The following SGCZ variants were observed in gnomAD, a reference collection of about 807,000 sequenced individuals.
The protein encoded by SGCZ is zeta-sarcoglycan.
Under a neutral mutation model 41.3 loss-of-function variants are expected in SGCZ, and 40 were observed. The ratio of observed to expected loss-of-function variants is 0.97; its 90% CI spans 0.75 to 1.26. The LOEUF is 1.26. SGCZ is among the 50% of genes most tolerant of loss of function. The pLI, the probability that SGCZ is intolerant of heterozygous loss-of-function variation, is 0.00. For missense variants in SGCZ, 552 were observed against 369.8 expected (o/e 1.49, Z -4.04); for synonymous variants, 206 against 137.5 (o/e 1.50, Z -3.49).
chr8:14,607,801 A>G (rs1297047828), intron 1 of SGCZ, among the ~76,000 whole-genome samples: 1 of 151,992 alleles, frequency 6.6e-6, no homozygotes, highest in African/African-American at 2.4e-5. Context: ...AGATGGAAGC[A>G]CATATATGAT....
At chr8:14,501,274 G>A (rs1174112374) in intron 2 of SGCZ, among the ~76,000 whole-genome samples, 1 of 151,694 alleles carries the variant, frequency 6.6e-6, no homozygotes, top group Non-Finnish European at 1.5e-5. Context: ...ATAATCAACG[G>A]TAATCATCTT....
chr8:14,266,361 A>T (rs945555339), intron 3 of SGCZ, among the ~76,000 whole-genome samples: 1 of 152,122 alleles, frequency 6.6e-6, no homozygotes, highest in Non-Finnish European at 1.5e-5. Flanking sequence ...TATGATGATA[A>T]TATGTTTCAC....
chr8:14,867,622 T>C (rs963070062), intron 1 of SGCZ, among the ~76,000 whole-genome samples: 1 of 152,050 alleles, frequency 6.6e-6, no homozygotes, highest in Non-Finnish European at 1.5e-5. Context: ...TGTTATTTTT[T>C]GACTGTTTAA....
chr8:14,863,950 A>C (rs1803841133), intron 1 of SGCZ, among the ~76,000 whole-genome samples: 1 of 152,174 alleles, frequency 6.6e-6, no homozygotes. Context: ...TCGGTACAAA[A>C]TAATTCCAAA....
At chr8:14,115,661 A>G (rs1802500638) in intron 5 of SGCZ, among the ~76,000 whole-genome samples, 1 of 151,956 alleles carries the variant, frequency 6.6e-6, no homozygotes, top group African/African-American at 2.4e-5. Context: ...TTATGAACGT[A>G]AATCTTTTTT....
chr8:14,176,977 G>A (rs1804560936), intron 4 of SGCZ, among the ~76,000 whole-genome samples: 1 of 152,130 alleles, frequency 6.6e-6, no homozygotes, highest in African/African-American at 2.4e-5. Flanking sequence ...TTTGGTCTCT[G>A]AGCTCCTTCC....
intron 4 of SGCZ, among the ~76,000 whole-genome samples, chr8:14,174,591 A>T (rs1395801287): frequency 6.6e-6 from 1 of 152,168 alleles, no homozygotes; most frequent in Admixed American, 6.5e-5. Context: ...ATCTTAGTGA[A>T]TATGCAGAAC....
chr8:15,157,981 G>A (rs1279314082), intron 1 of SGCZ, among the ~76,000 whole-genome samples: 1 of 152,146 alleles, frequency 6.6e-6, no homozygotes, highest in Non-Finnish European at 1.5e-5. Context: ...TGGCAGAACT[G>A]TCCTCACTTT....
At chr8:14,589,067 G>C (rs952159985) in intron 1 of SGCZ, among the ~76,000 whole-genome samples, 3 of 152,040 alleles carry the variant, frequency 2.0e-5, no homozygotes, top group Non-Finnish European at 4.4e-5. Context: ...GTTCAATGTA[G>C]CACACTGATG....
chr8:14,832,991 A>T (rs1802583329), intron 1 of SGCZ, among the ~76,000 whole-genome samples: 1 of 151,906 alleles, frequency 6.6e-6, no homozygotes, highest in Admixed American at 6.6e-5. Flanking sequence ...TAGTTTGATC[A>T]TTCCTTTTAT....
chr8:15,202,328 A>G (rs1242200661), intron 1 of SGCZ, among the ~76,000 whole-genome samples: 2 of 152,238 alleles, frequency 1.3e-5, no homozygotes, highest in East Asian at 1.9e-4. Flanking sequence ...CGTAAGAAGG[A>G]ACAAAATAAT....
At position 15,098,424 on chromosome 8, in the gene SGCZ, C is replaced by T. The variant is rs78278049; in HGVS notation, c.39+139161G>A. 7.8e-3 allele frequency among the ~76,000 whole-genome samples: 1,187 copies of T among 152,176 alleles called. 20 individuals carry two copies. The highest frequency in any genetic ancestry group is 0.027 in the African/African-American group (1,117 of 41,524). Reference sequence around the variant, plus strand: ...TCCCAGACCCAAACAAATTTTGACCCGCCTAGTATCACACAGCTAGAAAAG... The same window carrying T: ...TCCCAGACCCAAACAAATTTTGACCTGCCTAGTATCACACAGCTAGAAAAG... On this transcript the variant is annotated intron_variant, in intron 1 of 7. Transcript: ENST00000382080.
intron 1 of SGCZ, among the ~76,000 whole-genome samples, chr8:14,614,132 C>G (rs1271037349): frequency 6.6e-6 from 1 of 152,038 alleles, no homozygotes; most frequent in Non-Finnish European, 1.5e-5. Context: ...TTATGTCATC[C>G]AGAACAATTT....
chr8:14,507,866 G>C (rs955048481), intron 2 of SGCZ, among the ~76,000 whole-genome samples: 2 of 150,958 alleles, frequency 1.3e-5, no homozygotes, highest in Non-Finnish European at 2.9e-5. Flanking sequence ...CTGCCTCCCA[G>C]ATTCAAAGGA....
intron 2 of SGCZ, among the ~76,000 whole-genome samples, chr8:14,372,767 A>G (rs916694368): frequency 2.0e-5 from 3 of 152,114 alleles, no homozygotes; most frequent in Non-Finnish European, 4.4e-5. Flanking sequence ...GAGTAATAGC[A>G]AGGAAACCAG....
At chr8:15,055,746 C>T (rs558561041) in intron 1 of SGCZ, among the ~76,000 whole-genome samples, 2 of 152,288 alleles carry the variant, frequency 1.3e-5, no homozygotes, top group East Asian at 3.9e-4. Flanking sequence ...CAAGCTCTAT[C>T]ACATCCTTGA....
At position 15,009,810 on chromosome 8, in the gene SGCZ, C is replaced by T. The variant is rs1008922055; in HGVS notation, c.39+227775G>A. Among the ~76,000 whole-genome samples, 6 of 152,136 alleles carry T rather than the reference C, an allele frequency of 3.9e-5. No homozygotes were observed. The East Asian group carries it at 1.2e-3, about 29-fold the overall frequency. ...ACCTGGTATTTCTCATATGGATAAGCCTCTGTCCATTTTTTTAAATTCTTA... is the reference window on the plus strand; with the variant it reads ...ACCTGGTATTTCTCATATGGATAAGTCTCTGTCCATTTTTTTAAATTCTTA... On this transcript the variant is annotated intron_variant, in intron 1 of 7. Transcript: ENST00000382080.
At chr8:14,723,189 G>C (rs1186373403) in intron 1 of SGCZ, among the ~76,000 whole-genome samples, 1 of 152,192 alleles carries the variant, frequency 6.6e-6, no homozygotes, top group Admixed American at 6.5e-5. Context: ...TTTTGACTAA[G>C]TCAGCATAAT....
At chr8:14,778,372 G>C (rs749555503) in intron 1 of SGCZ, among the ~76,000 whole-genome samples, 2 of 152,148 alleles carry the variant, frequency 1.3e-5, no homozygotes, top group South Asian at 2.1e-4. Flanking sequence ...ATTTCAGTGA[G>C]TCCATTGTAT....
Sources: allele counts gnomAD v4.1 joint callset (sites outside exome capture counted in the v4.1 genomes callset), GRCh38; gene constraint gnomAD v4.1.1; transcripts MANE v1.5; gene names NCBI Gene and HGNC (gene_info 2026-07-23, HGNC 2026-07-21).